The following CLIC6 variants were observed in gnomAD, a reference collection of about 807,000 sequenced individuals.
CLIC6 encodes the protein CLIC family member 6.
In CLIC6, 39 loss-of-function variants were observed where a neutral mutation model predicts 49.2. That is an observed-to-expected ratio of 0.79 (90% CI 0.61 to 1.04). The LOEUF (loss-of-function observed/expected upper bound fraction) is 1.04, where lower values mean the gene tolerates loss of function less well. CLIC6 is among the 50% of genes least tolerant of loss of function. The pLI is 0.00. For synonymous variants in CLIC6, 446 were observed against 433.4 expected (o/e 1.03, Z -0.36); for missense variants, 988 against 993.1 (o/e 0.99, Z 0.07).
chr21:34,699,415 C>CTATTTT (rs1568966335), intron 1 of CLIC6, among the ~76,000 whole-genome samples: 1 of 134,844 alleles, frequency 7.4e-6, no homozygotes, highest in Non-Finnish European at 1.6e-5. Flanking sequence ...CCATACCTGG[C>CTATTTT]TTTTTTTTTT....
chr21:34,698,152 G>A lies in CLIC6; in HGVS notation c.1375-9128G>A, dbSNP rs191005818. Among the ~76,000 whole-genome samples the A allele has an allele frequency of 1.8e-3, 274 of 152,332 alleles. 2 individuals are homozygous for A. The highest frequency in any genetic ancestry group is 6.3e-3 in the African/African-American group (262 of 41,562). Reference sequence around the variant, plus strand: ...ATGAGGAGTCTCATAGACCTGTGAGGACAGTGGTCATGTGCTCCATGATGT... The same window carrying A: ...ATGAGGAGTCTCATAGACCTGTGAGAACAGTGGTCATGTGCTCCATGATGT... On this transcript the variant is annotated intron_variant, in intron 1 of 5. Coordinates refer to ENST00000349499, the MANE Select transcript of CLIC6 (RefSeq NM_053277.3).
chr21:34,694,243 T>C (rs867164320), intron 1 of CLIC6, among the ~76,000 whole-genome samples: 2 of 104,412 alleles, frequency 1.9e-5, no homozygotes, highest in Admixed American at 8.7e-5. Context: ...CCTCCGAAAG[T>C]GTTGGGATTA....
chr21:34,700,458 A>G lies in CLIC6; in HGVS notation c.1375-6822A>G, dbSNP rs866542835. Among the ~76,000 whole-genome samples, 52 of 139,760 alleles carry G rather than the reference A, an allele frequency of 3.7e-4. 11 individuals carry two copies. The highest frequency in any genetic ancestry group is 5.3e-4 in the Non-Finnish European group (34 of 64,480). The allele number at this position is 139,760 out of a possible 152,430, so 91.7% of individuals were successfully genotyped here. On this transcript the variant is annotated intron_variant, in intron 1 of 5. Coordinates refer to ENST00000349499, the MANE Select transcript of CLIC6 (RefSeq NM_053277.3). ...CGAGACTCCGTCTCAAAAAAAAAAAAAAAAGAAAAGAAAAGAATAAGAGAA... is the reference window on the plus strand; with the variant it reads ...CGAGACTCCGTCTCAAAAAAAAAAAGAAAAGAAAAGAAAAGAATAAGAGAA...
chr21:34,707,482 G>C, intron 2 of CLIC6, 93 bp downstream of exon 2: 2 of 568,640 alleles, frequency 3.5e-6, no homozygotes, highest in South Asian at 5.1e-5. Context: ...TGAGGCCAAC[G>C]GTGCTGCATG....
intron 1 of CLIC6, among the ~76,000 whole-genome samples, chr21:34,694,198 C>G (rs1990052039): frequency 7.0e-6 from 1 of 143,760 alleles, no homozygotes; most frequent in African/African-American, 2.6e-5. Flanking sequence ...CCAGGATGGT[C>G]TTCATCTCAT....
Position 34,670,387 on chromosome 21 carries a change from G to A in CLIC6, c.999G>A (p.Glu333=). Residue 333 remains glutamate (E), a synonymous_variant, in exon 1 of 6, where the codon GAG becomes GAA. Transcript: ENST00000349499. ...PGELAWDAAE[E]AEVPGVKGSE... ...AGCTCGCCTGGGACGCAGCGGAGGAGGCGGAGGTCCCGGGGGTAAAGGGGT... is the reference window on the plus strand; with the variant it reads ...AGCTCGCCTGGGACGCAGCGGAGGAAGCGGAGGTCCCGGGGGTAAAGGGGT... 3.4e-6 allele frequency: 5 copies of A among 1,456,174 alleles called. No individual in the cohort carries two copies. The highest frequency in any genetic ancestry group is 1.8e-6 in the Non-Finnish European group (2 of 1,105,344). The allele number at this position is 1,456,174 out of a possible 1,614,324, so 90.2% of individuals were successfully genotyped here.
intron 1 of CLIC6, among the ~76,000 whole-genome samples, chr21:34,680,967 T>C (rs1221924320): frequency 1.3e-5 from 2 of 152,226 alleles, no homozygotes; most frequent in Non-Finnish European, 2.9e-5. Flanking sequence ...TCTGTCTGTT[T>C]TCCAGTTCCA....
In CLIC6 at chr21:34,716,857, C is replaced by CTCTG. The variant is rs1380145088; in HGVS notation, c.*378_*379insGTCT. On this transcript the variant is annotated 3_prime_UTR_variant, in exon 6 of 6. Coordinates refer to ENST00000349499, the MANE Select transcript of CLIC6 (RefSeq NM_053277.3). ...TCTCTCTCTCTCTCTCTCTCTCTCT[C>CTCTG]TCTATCACACACACACACACACACA... is the stretch of plus-strand genomic sequence containing the variant. 3.7e-5 allele frequency: 5 copies of CTCTG among 136,088 alleles called. No homozygotes were observed. Among genetic ancestry groups the CTCTG allele is most frequent in the African/African-American group, 1.9e-4 (5 of 26,982 alleles). The allele number at this position is 136,088 out of a possible 1,614,324, so 8.4% of individuals were successfully genotyped here. A position where few individuals can be genotyped will look rare whatever the true frequency, so the allele number is the denominator to read the frequency against.
At chr21:34,673,496 G>A (rs1989607831) in intron 1 of CLIC6, among the ~76,000 whole-genome samples, 1 of 152,016 alleles carries the variant, frequency 6.6e-6, no homozygotes, top group African/African-American at 2.4e-5. Flanking sequence ...TCGCCATGTT[G>A]GCCAGCCTGG....
At chr21:34,672,974 C>T (rs1188153158) in intron 1 of CLIC6, among the ~76,000 whole-genome samples, 1 of 152,200 alleles carries the variant, frequency 6.6e-6, no homozygotes, top group Non-Finnish European at 1.5e-5. Flanking sequence ...ATAACTTGCA[C>T]TGATTTTGCA....
At chr21:34,675,818 A>G (rs1401763256) in intron 1 of CLIC6, among the ~76,000 whole-genome samples, 1 of 152,154 alleles carries the variant, frequency 6.6e-6, no homozygotes, top group South Asian at 2.1e-4. Context: ...GGTCGGGTGG[A>G]TGGCTAATTG....
At chr21:34,680,902 C>T (rs1348744596) in intron 1 of CLIC6, among the ~76,000 whole-genome samples, 2 of 152,212 alleles carry the variant, frequency 1.3e-5, no homozygotes, top group African/African-American at 4.8e-5. Flanking sequence ...CTAGGAAGTT[C>T]CAAACTTTCC....
At position 34,714,459 on chromosome 21, in the gene CLIC6, G is replaced by T. The variant is rs377405444; in HGVS notation, c.1900-1862G>T. On this transcript the variant is annotated intron_variant, in intron 5 of 5. Transcript: ENST00000349499. ...TTCCAGAACTTTGGGTGGCTGAGGCGGGTGGATCACTTGAGGCCAGGAGTT... is the reference window on the plus strand; with the variant it reads ...TTCCAGAACTTTGGGTGGCTGAGGCTGGTGGATCACTTGAGGCCAGGAGTT... Among the ~76,000 whole-genome samples the T allele has an allele frequency of 4.6e-5, 7 of 152,172 alleles. No individual in the cohort carries two copies. The South Asian group carries it at 1.5e-3, about 32-fold the overall frequency.
At chr21:34,692,977 C>T (rs1282430182) in intron 1 of CLIC6, among the ~76,000 whole-genome samples, 1 of 152,224 alleles carries the variant, frequency 6.6e-6, no homozygotes, top group Admixed American at 6.5e-5. Context: ...GGACTTCCTC[C>T]CCAGCCCCAC....
intron 1 of CLIC6, among the ~76,000 whole-genome samples, chr21:34,671,121 TAAAAA>T (rs58413747): frequency 1.7e-5 from 2 of 115,990 alleles, no homozygotes; most frequent in African/African-American, 3.3e-5. Context: ...ACTAAAAAGT[TAAAAA>T]AAAAAAAAAA....
Position 34,670,580 on chromosome 21 carries a change from C to A in CLIC6, c.1192C>A (p.Pro398Thr). The A allele has an allele frequency of 1.3e-6, 2 of 1,522,114 alleles. No individual in the cohort carries two copies. Among genetic ancestry groups the A allele is most frequent in the South Asian group, 1.2e-5 (1 of 80,312 alleles). 94.3% of individuals were successfully genotyped at this position (1,522,114 alleles called of 1,614,324 possible). Residue 398 changes from proline (P) to threonine (T), a missense_variant, in exon 1 of 6, where the codon CCA (proline) becomes ACA (threonine). By Grantham distance (38) the Pro-to-Thr change is conservative. Coordinates refer to ENST00000349499, the MANE Select transcript of CLIC6 (RefSeq NM_053277.3). Reference sequence around the variant, plus strand: ...CGAAGAGGAATCCCCCGACAGCAGCCCACATGGGGAGGCCTCCAGGGGCGC... The same window carrying A: ...CGAAGAGGAATCCCCCGACAGCAGCACACATGGGGAGGCCTCCAGGGGCGC... ...GGEEESPDSS[P>T]HGEASRGAAE... is the part of the protein sequence containing the mutation.
intron 1 of CLIC6, among the ~76,000 whole-genome samples, chr21:34,698,811 C>T (rs1990135712): frequency 6.6e-6 from 1 of 152,162 alleles, no homozygotes; most frequent in Admixed American, 6.5e-5. Context: ...AGGAAAATGG[C>T]ATCTTATCAG....
At chr21:34,704,762 A>G (rs1256201339) in intron 1 of CLIC6, among the ~76,000 whole-genome samples, 1 of 152,184 alleles carries the variant, frequency 6.6e-6, no homozygotes, top group Non-Finnish European at 1.5e-5. Context: ...TATTCCCCCT[A>G]AAGAAGTAGC....
In CLIC6 at chr21:34,670,796, C is replaced by G. The variant is rs372161409; in HGVS notation, c.1374+34C>G. On this transcript the variant is annotated intron_variant, in intron 1 of 5. Coordinates refer to ENST00000349499, the MANE Select transcript of CLIC6 (RefSeq NM_053277.3). ...CGCTTCCCTCAATTCTTAGGACGAC[C>G]CCCTTCCATTCGAGGTCTTGGTCAT... 1.4e-4 allele frequency: 214 copies of G among 1,574,102 alleles called. No individual in the cohort carries two copies. In the African/African-American group the frequency reaches 2.7e-3, roughly 20 times the overall value.
Sources: gnomAD v4.1 joint callset for allele counts (sites outside exome capture counted in the v4.1 genomes callset) on GRCh38, gnomAD v4.1.1 for gene constraint, MANE v1.5 for transcripts, NCBI Gene and HGNC (gene_info 2026-07-23, HGNC 2026-07-21) for gene names.